PODXL2: variants seen among roughly 807,000 people sequenced by gnomAD.
PODXL2 encodes the protein podocalyxin like 2.
In PODXL2, 17 loss-of-function variants were observed where a neutral mutation model predicts 53.4. The observed-to-expected ratio is 0.32, with a 90% confidence interval of 0.22 to 0.48. The LOEUF (loss-of-function observed/expected upper bound fraction) is 0.48. Ranked by LOEUF, PODXL2 falls within the 20% of genes least tolerant of loss-of-function variation. The pLI is 0.99. For synonymous variants in PODXL2, 311 were observed against 306.7 expected (o/e 1.01, Z -0.15); for missense variants, 673 against 760.0 (o/e 0.89, Z 1.35).
chr3:127,631,402 G>A (rs2074544918), intron 1 of PODXL2, among the ~76,000 whole-genome samples: 1 of 152,150 alleles, frequency 6.6e-6, no homozygotes, highest in Non-Finnish European at 1.5e-5. Context: ...GAGGATCGCT[G>A]GGGTCTTGTT....
At chr3:127,664,625 A>G (rs549240295) in intron 4 of PODXL2, among the ~76,000 whole-genome samples, 8 of 152,112 alleles carry the variant, frequency 5.3e-5, no homozygotes, top group Non-Finnish European at 1.0e-4. Flanking sequence ...CGCCAGCACT[A>G]GGGTTCCAGT....
At chr3:127,640,621 A>G (rs889198369) in intron 2 of PODXL2, among the ~76,000 whole-genome samples, 2 of 152,096 alleles carry the variant, frequency 1.3e-5, no homozygotes, top group African/African-American at 2.4e-5. Flanking sequence ...GAATGGCTTG[A>G]ACCCGGGAGG....
chr3:127,655,192 C>T (rs555052894), intron 2 of PODXL2, among the ~76,000 whole-genome samples: 3 of 151,974 alleles, frequency 2.0e-5, no homozygotes, highest in Admixed American at 2.0e-4. Flanking sequence ...ATCCACCCCC[C>T]GCTTGGCCTC....
Position 127,637,820 on chromosome 3 carries a change from G to A in PODXL2, c.71-1425G>A, listed in dbSNP as rs570691737. Among the ~76,000 whole-genome samples, 38 of 152,306 alleles carry A rather than the reference G, an allele frequency of 2.5e-4. 1 individual carries two copies. In the South Asian group the frequency reaches 7.9e-3, roughly 32 times the overall value. ...ACAGTGTGCACAGACTCCCTCATAC[G>A]GAGACTCACAGGACAGTCTGAAATG... On this transcript the variant is annotated intron_variant, in intron 1 of 7. Transcript: ENST00000342480.
At chr3:127,669,010 A>T in intron 5 of PODXL2, 131 bp from the exon 6 acceptor site, 1 of 608,804 alleles carries the variant, frequency 1.6e-6, no homozygotes, top group Non-Finnish European at 2.9e-6. Context: ...TGCCTTGAGG[A>T]TCTGTGTGCA....
intron 1 of PODXL2, among the ~76,000 whole-genome samples, chr3:127,630,219 AG>A (rs1376498728): frequency 6.6e-6 from 1 of 152,126 alleles, no homozygotes; most frequent in Admixed American, 6.5e-5. Context: ...GGGTCAAATA[AG>A]GTCATAGCTG....
intron 2 of PODXL2, among the ~76,000 whole-genome samples, chr3:127,653,395 C>G (rs1424437220): frequency 6.6e-6 from 1 of 152,182 alleles, no homozygotes; most frequent in East Asian, 1.9e-4. Flanking sequence ...TCCTGTAAGC[C>G]CAGTACTTTG....
At chr3:127,653,778 C>T (rs1457511962) in intron 2 of PODXL2, among the ~76,000 whole-genome samples, 1 of 152,168 alleles carries the variant, frequency 6.6e-6, no homozygotes, top group Non-Finnish European at 1.5e-5. Context: ...TGCTCGGACT[C>T]CCCCATTATT....
At chr3:127,655,424 TAAC>T (rs1438236720) in intron 2 of PODXL2, among the ~76,000 whole-genome samples, 9 of 151,950 alleles carry the variant, frequency 5.9e-5, no homozygotes, top group Admixed American at 2.6e-4. Context: ...ATAATGATAA[TAAC>T]AACAACAATA....
chr3:127,670,469 CCT>C (rs1242197731), intron 6 of PODXL2, among the ~76,000 whole-genome samples: 1 of 152,174 alleles, frequency 6.6e-6, no homozygotes, highest in African/African-American at 2.4e-5. Context: ...TTTCGCTGCC[CCT>C]GAGTATTCTG....
Position 127,672,758 on chromosome 3 carries a change from C to A in PODXL2, c.*278C>A. 1 of 399,272 alleles carries A rather than the reference C, an allele frequency of 2.5e-6. No individual in the cohort carries two copies. The highest frequency in any genetic ancestry group is 4.4e-6 in the Non-Finnish European group (1 of 229,612). The allele number at this position is 399,272 out of a possible 1,614,324, so 24.7% of individuals were successfully genotyped here. Reference sequence around the variant, plus strand: ...GGCGGCGGGCGGCGCTTCCTGCGCCCCGGGACTCAATTAAACCCGCCCGGA... The same window carrying A: ...GGCGGCGGGCGGCGCTTCCTGCGCCACGGGACTCAATTAAACCCGCCCGGA... On this transcript the variant is annotated 3_prime_UTR_variant, in exon 8 of 8. Transcript: ENST00000342480.
intron 2 of PODXL2, among the ~76,000 whole-genome samples, chr3:127,653,578 G>A (rs562374254): frequency 4.6e-5 from 7 of 152,072 alleles, no homozygotes; most frequent in Admixed American, 3.3e-4. Flanking sequence ...CCCAGGAGGC[G>A]GAGGTTTCAG....
chr3:127,635,858 C>A (rs1332403052), intron 1 of PODXL2, among the ~76,000 whole-genome samples: 1 of 152,248 alleles, frequency 6.6e-6, no homozygotes, highest in Non-Finnish European at 1.5e-5. Context: ...CTGGTCTCAG[C>A]TGAACTCCTT....
intron 2 of PODXL2, among the ~76,000 whole-genome samples, chr3:127,645,624 G>C (rs1306004203): frequency 6.6e-6 from 1 of 152,198 alleles, no homozygotes; most frequent in Non-Finnish European, 1.5e-5. Context: ...TGCCCAGAGG[G>C]GACATCTCCG....
intron 2 of PODXL2, among the ~76,000 whole-genome samples, chr3:127,648,754 G>C (rs2107707981): frequency 6.8e-6 from 1 of 147,564 alleles, no homozygotes; most frequent in South Asian, 2.2e-4. Flanking sequence ...GATTACAGGT[G>C]TGTGCCCCTA....
intron 2 of PODXL2, 94 bp downstream of exon 2, chr3:127,639,617 C>T (rs1046815553): frequency 1.7e-6 from 2 of 1,186,122 alleles, no homozygotes; most frequent in Non-Finnish European, 1.2e-6. Flanking sequence ...AGCATCTCTT[C>T]TCTCTCCCTA....
intron 2 of PODXL2, among the ~76,000 whole-genome samples, chr3:127,649,005 T>C (rs2074673189): frequency 2.0e-5 from 3 of 152,078 alleles, no homozygotes; most frequent in Admixed American, 2.0e-4. Flanking sequence ...TTGGCCAGGC[T>C]GGTCTTGAAC....
At chr3:127,656,602 G>A (rs945385565) in intron 2 of PODXL2, among the ~76,000 whole-genome samples, 1 of 151,850 alleles carries the variant, frequency 6.6e-6, no homozygotes, top group Non-Finnish European at 1.5e-5. Flanking sequence ...GGGCGTGGTG[G>A]TGCATGCCTA....
At chr3:127,663,748 A>G (rs2074780651) in intron 4 of PODXL2, among the ~76,000 whole-genome samples, 1 of 152,162 alleles carries the variant, frequency 6.6e-6, no homozygotes, top group South Asian at 2.1e-4. Flanking sequence ...TTCCTCCCCC[A>G]GACATGGAGC....
Sources: allele counts gnomAD v4.1 joint callset (sites outside exome capture counted in the v4.1 genomes callset), GRCh38; gene constraint gnomAD v4.1.1; transcripts MANE v1.5; gene names NCBI Gene and HGNC (gene_info 2026-07-23, HGNC 2026-07-21).